The following HDAC9 variants were observed in gnomAD, a reference collection of about 807,000 sequenced individuals.
The protein encoded by HDAC9 is MEF-2 interacting transcription repressor (MITR) protein.
HDAC9 carries 41 observed loss-of-function variants against 139.4 expected under a neutral mutation model. The observed-to-expected ratio is 0.29, with a 90% CI of 0.23 to 0.38. HDAC9 has a LOEUF of 0.38. HDAC9 is among the 10% of genes least tolerant of loss of function. The pLI, the probability that HDAC9 is intolerant of heterozygous loss-of-function variation, is 1.00. For missense variants in HDAC9, 1,147 were observed against 1,297.0 expected (o/e 0.88, Z 1.78); for synonymous variants, 517 against 476.2 (o/e 1.09, Z -1.12).
chr7:18,665,112 CAT>C (rs1409413184), intron 11 of HDAC9, among the ~76,000 whole-genome samples: 3 of 152,080 alleles, frequency 2.0e-5, no homozygotes, highest in African/African-American at 7.2e-5. Context: ...CATTTTAAAA[CAT>C]GTATTTTGTA....
chr7:18,916,629 T>C (rs971110613), intron 22 of HDAC9, among the ~76,000 whole-genome samples: 7 of 151,964 alleles, frequency 4.6e-5, no homozygotes, highest in East Asian at 1.9e-4. Flanking sequence ...ATAGAAGCTA[T>C]TGAGCTTCAG....
intron 1 of HDAC9, among the ~76,000 whole-genome samples, chr7:18,300,725 C>T (rs112661429): frequency 4.6e-5 from 7 of 151,864 alleles, no homozygotes; most frequent in South Asian, 4.2e-4. Context: ...ATAAACAGAC[C>T]GGTTATATTA....
intron 21 of HDAC9, among the ~76,000 whole-genome samples, chr7:18,841,427 G>A (rs1796575055): frequency 6.6e-6 from 1 of 152,034 alleles, no homozygotes. Flanking sequence ...AGTATTCGTT[G>A]AGGCTTTAAT....
At chr7:18,900,429 C>G (rs975173050) in intron 22 of HDAC9, among the ~76,000 whole-genome samples, 8 of 152,238 alleles carry the variant, frequency 5.3e-5, no homozygotes, top group Middle Eastern at 6.8e-3. Context: ...CACACAAATG[C>G]CAACCTCAGA....
intron 23 of HDAC9, among the ~76,000 whole-genome samples, chr7:18,942,930 C>A (rs960148788): frequency 6.6e-6 from 1 of 151,734 alleles, no homozygotes; most frequent in Non-Finnish European, 1.5e-5. Context: ...CATACAAAAT[C>A]TCTTTAATAA....
At chr7:18,346,806 A>C (rs1306762962) in intron 1 of HDAC9, among the ~76,000 whole-genome samples, 2 of 152,144 alleles carry the variant, frequency 1.3e-5, no homozygotes, top group East Asian at 3.9e-4. Flanking sequence ...TCTCATAGCA[A>C]CAGGAGAAAA....
chr7:18,422,744 G>GCGCACA (rs1426974833), intron 1 of HDAC9, among the ~76,000 whole-genome samples: 11 of 26,336 alleles, frequency 4.2e-4, no homozygotes, highest in African/African-American at 7.0e-4. Context: ...ACACACACGC[G>GCGCACA]CACACACACA....
At chr7:18,878,034 G>A (rs567826926) in intron 22 of HDAC9, among the ~76,000 whole-genome samples, 1 of 152,220 alleles carries the variant, frequency 6.6e-6, no homozygotes, top group Non-Finnish European at 1.5e-5. Context: ...GTACCTTGAA[G>A]TTATCAGTTT....
At chr7:18,820,286 G>A (rs1233350443) in intron 17 of HDAC9, among the ~76,000 whole-genome samples, 4 of 152,130 alleles carry the variant, frequency 2.6e-5, no homozygotes, top group Non-Finnish European at 5.9e-5. Flanking sequence ...ATTGAAGAGA[G>A]ACATGTTCTT....
At chr7:18,589,424 C>CT (rs1830339841) in intron 3 of HDAC9, among the ~76,000 whole-genome samples, 1 of 152,048 alleles carries the variant, frequency 6.6e-6, no homozygotes, top group Non-Finnish European at 1.5e-5. Context: ...ATCCTAGCAA[C>CT]TTAAGAGGCT....
intron 1 of HDAC9, among the ~76,000 whole-genome samples, chr7:18,136,234 T>G (rs1363145577): frequency 6.6e-6 from 1 of 150,472 alleles, no homozygotes; most frequent in African/African-American, 2.5e-5. Flanking sequence ...TTGCGAAAAT[T>G]TTCTCCCATT....
intron 1 of HDAC9, among the ~76,000 whole-genome samples, chr7:18,136,585 C>G (rs1351621992): frequency 6.6e-6 from 1 of 152,100 alleles, no homozygotes; most frequent in Non-Finnish European, 1.5e-5. Flanking sequence ...GCTTGTTTTT[C>G]TCAGGTTTGT....
chr7:18,392,315 T>TCTCACA (rs1554402177), intron 1 of HDAC9, among the ~76,000 whole-genome samples: 107 of 119,348 alleles, frequency 9.0e-4, no homozygotes, highest in East Asian at 1.5e-3. Context: ...TCTCTCTCTC[T>TCTCACA]CACACACACA....
At chr7:18,136,805 A>G (rs1389563471) in intron 1 of HDAC9, among the ~76,000 whole-genome samples, 3 of 151,682 alleles carry the variant, frequency 2.0e-5, no homozygotes, top group Non-Finnish European at 2.9e-5. Flanking sequence ...TTGGTTCCAT[A>G]TGAACTTTAA....
At position 18,370,627 on chromosome 7, in the gene HDAC9, G is replaced by A. The variant is rs79602997; in HGVS notation, c.-42+80112G>A. ...CAATTGGATCATTGTGCTCTGTAAG[G>A]AGCATATTCCACAATAGCCAGTTTA... On this transcript the variant is annotated intron_variant, in intron 1 of 3. Coordinates refer to the HDAC9 transcript ENST00000413509. Among the ~76,000 whole-genome samples the A allele has an allele frequency of 0.016, 2,430 of 152,214 alleles. 97 individuals carry two copies. The East Asian group carries it at 0.16, about 10-fold the overall frequency.
At chr7:18,986,465 T>C (rs1321317514) in intron 25 of HDAC9, among the ~76,000 whole-genome samples, 1 of 108,288 alleles carries the variant, frequency 9.2e-6, no homozygotes, top group Non-Finnish European at 2.0e-5. Flanking sequence ...GCTGTTTTGG[T>C]TACTGTAGCC....
At chr7:18,143,779 C>T (rs1468449277) in intron 1 of HDAC9, among the ~76,000 whole-genome samples, 2 of 141,714 alleles carry the variant, frequency 1.4e-5, no homozygotes, top group East Asian at 2.1e-4. Flanking sequence ...GGTGACAGAG[C>T]GAGACTCCAT....
At chr7:18,545,722 T>A (rs1386349775) in intron 2 of HDAC9, among the ~76,000 whole-genome samples, 1 of 152,166 alleles carries the variant, frequency 6.6e-6, no homozygotes, top group Non-Finnish European at 1.5e-5. Flanking sequence ...GGAAATTTAA[T>A]AAATTTAAGA....
intron 12 of HDAC9, among the ~76,000 whole-genome samples, chr7:18,692,210 A>G (rs2129098239): frequency 6.6e-6 from 1 of 152,226 alleles, no homozygotes; most frequent in East Asian, 1.9e-4. Context: ...AAAACTTTCC[A>G]AATTGTGTTT....
Sources: gnomAD v4.1 joint callset for allele counts (sites outside exome capture counted in the v4.1 genomes callset) on GRCh38, gnomAD v4.1.1 for gene constraint, MANE v1.5 for transcripts, NCBI Gene and HGNC (gene_info 2026-07-23, HGNC 2026-07-21) for gene names.